Variants in KIF13A observed in about 807,000 individuals in gnomAD.
KIF13A encodes the protein kinesin family member 13A.
A neutral mutation model predicts 212.2 loss-of-function variants in KIF13A; 79 were observed. The observed-to-expected ratio is 0.37, with a 90% CI of 0.31 to 0.45. The LOEUF is 0.45. Among genes scored for constraint, KIF13A ranks in the 20% least tolerant of loss-of-function variants. The pLI is 1.00. For missense variants in KIF13A, 1,901 were observed against 2,209.0 expected, an observed-to-expected ratio of 0.86 and a Z score of 2.79; for synonymous variants, 789 against 808.6, an observed-to-expected ratio of 0.98 and a Z score of 0.41.
intron 2 of KIF13A, among the ~76,000 whole-genome samples, chr6:17,940,113 G>A (rs1229404294): frequency 6.7e-6 from 1 of 149,694 alleles, no homozygotes; most frequent in African/African-American, 2.5e-5. Context: ...TGGCAACATC[G>A]GGAATTTACT....
chr6:17,937,739 C>CT (rs1487188222), intron 2 of KIF13A, among the ~76,000 whole-genome samples: 348 of 128,354 alleles, frequency 2.7e-3, no homozygotes, highest in African/African-American at 5.0e-3. Context: ...AATTTCTTTC[C>CT]TTTTTTGTTT....
At chr6:17,774,594 C>T (rs1004549603) in intron 35 of KIF13A, among the ~76,000 whole-genome samples, 14 of 151,960 alleles carry the variant, frequency 9.2e-5, no homozygotes, top group Non-Finnish European at 1.8e-4. Context: ...GCCAACATGG[C>T]GAAACTCCAT....
At chr6:17,962,044 A>G (rs1459994220) in intron 2 of KIF13A, among the ~76,000 whole-genome samples, 2 of 152,178 alleles carry the variant, frequency 1.3e-5, no homozygotes, top group East Asian at 3.9e-4. Context: ...ATATGGTAAT[A>G]GGCTGGGTGT....
chr6:17,808,283 G>C (rs1353404918), intron 18 of KIF13A, among the ~76,000 whole-genome samples: 1 of 152,188 alleles, frequency 6.6e-6, no homozygotes, highest in African/African-American at 2.4e-5. Flanking sequence ...CTACTCGGGA[G>C]GTTGAGGTAG....
At chr6:17,854,467 T>TA in intron 6 of KIF13A, among the ~76,000 whole-genome samples, 1 of 152,008 alleles carries the variant, frequency 6.6e-6, no homozygotes, top group East Asian at 1.9e-4. Context: ...GGTGAGATTA[T>TA]AGGTCATTTT....
rs974566757 is a variant in KIF13A at position 17,816,067 on chromosome 6, G to C, written c.2000+953C>G. On this transcript the variant is annotated intron_variant, in intron 17 of 38. Transcript: ENST00000259711. This position sits in a 1 kb window ranked among gnomAD's most constrained non-coding sequence, Gnocchi z 4.3. ...GGATTACAGGCGCCTGCCACCATGC[G>C]CTGCTATTTTTTCTTTTTTTTCTGT... is the stretch of plus-strand genomic sequence containing the variant. Among the ~76,000 whole-genome samples the C allele has an allele frequency of 6.7e-6, 1 of 148,226 alleles. No homozygotes were observed. The highest frequency in any genetic ancestry group is 2.5e-5 in the African/African-American group (1 of 40,046).
intron 2 of KIF13A, among the ~76,000 whole-genome samples, chr6:17,974,159 G>A (rs2150616575): frequency 6.6e-6 from 1 of 152,264 alleles, no homozygotes; most frequent in Non-Finnish European, 1.5e-5. Flanking sequence ...TCAGCTCACT[G>A]CAACCTCCAC....
At chr6:17,821,968 A>G (rs1476258652) in intron 16 of KIF13A, 25 of 1,525,284 alleles carry the variant, frequency 1.6e-5, no homozygotes, top group Non-Finnish European at 2.2e-5. Flanking sequence ...CACTTGCATC[A>G]GAGACTGTGT....
chr6:17,802,410 G>A (rs1323175366), intron 20 of KIF13A, among the ~76,000 whole-genome samples: 2 of 151,618 alleles, frequency 1.3e-5, no homozygotes, highest in African/African-American at 4.9e-5. Context: ...TCCTGCCTCA[G>A]CCTCCGGAGT....
At position 17,785,641 on chromosome 6, in the gene KIF13A, T is replaced by G. The variant is rs368765608; in HGVS notation, c.3362A>C (p.Glu1121Ala). 6.2e-7 allele frequency: 1 copy of G among 1,602,586 alleles called. No individual in the cohort carries two copies. ...CCGCTCCACATCGTCCTCTGTTTTC[T>G]CTGCAGAAAAAAATGAGGAGATCAA... is the stretch of plus-strand genomic sequence containing the variant. ...EQIKKVSNKTEKTEDDVEREA... is the reference protein window; with the variant it reads ...EQIKKVSNKTAKTEDDVEREA... The change falls in exon 28 of 39, where the codon GAG becomes GCG. Residue 1121 changes from glutamate (E) to alanine (A), a missense_variant and splice_region_variant. Glu to Ala is a moderately radical substitution (Grantham distance 107). Transcript: ENST00000259711. The surrounding 1 kb of genome is among the most constrained non-coding windows in gnomAD (Gnocchi z 5.8).
chr6:17,987,016 C>G lies in KIF13A; in HGVS notation c.146+38G>C, dbSNP rs1182200274. 2.0e-6 allele frequency: 3 copies of G among 1,513,284 alleles called. No homozygotes were observed. Among genetic ancestry groups the G allele is most frequent in the Non-Finnish European group, 2.8e-6 (3 of 1,089,090 alleles). 93.7% of individuals were successfully genotyped at this position (1,513,284 alleles called of 1,614,324 possible). A position where few individuals can be genotyped will look rare whatever the true frequency, so the allele number is the denominator to read the frequency against. Reference sequence around the variant, plus strand: ...CTCAAACTTGCGGGACCCCGCGAGGCTGGATCCTCCCAGCCGCCCTCTCGG... The same window carrying G: ...CTCAAACTTGCGGGACCCCGCGAGGGTGGATCCTCCCAGCCGCCCTCTCGG... On this transcript the variant is annotated intron_variant, in intron 2 of 38. Coordinates refer to ENST00000259711, the MANE Select transcript of KIF13A (RefSeq NM_022113.6). The surrounding 1 kb of genome is among the most constrained non-coding windows in gnomAD (Gnocchi z 7.7).
intron 4 of KIF13A, among the ~76,000 whole-genome samples, chr6:17,865,374 C>T (rs1046557446): frequency 2.0e-5 from 3 of 151,740 alleles, no homozygotes; most frequent in Non-Finnish European, 4.4e-5. Flanking sequence ...CTTGGAATTC[C>T]TGGGCCTACT....
In KIF13A at chr6:17,947,816, G is replaced by C. The variant is rs1473271519; in HGVS notation, c.146+39238C>G. On this transcript the variant is annotated intron_variant, in intron 2 of 38. Coordinates refer to ENST00000259711, the MANE Select transcript of KIF13A (RefSeq NM_022113.6). The surrounding 1 kb of genome is among the most constrained non-coding windows in gnomAD (Gnocchi z 4.6). ...AGATTGCGCCATTGCGCTCCAGCCT[G>C]TGTGACAAGAGCAAAACTCTGCTCA... Among the ~76,000 whole-genome samples the C allele has an allele frequency of 6.6e-6, 1 of 152,034 alleles. No individual in the cohort carries two copies. The highest frequency in any genetic ancestry group is 1.5e-5 in the Non-Finnish European group (1 of 67,998).
At chr6:17,889,290 T>C (rs1294627747) in intron 3 of KIF13A, among the ~76,000 whole-genome samples, 26 of 152,236 alleles carry the variant, frequency 1.7e-4, no homozygotes, top group Admixed American at 1.7e-3. Context: ...TTTGTTATAA[T>C]GTAGTCAATT....
chr6:17,943,344 T>C (rs545575529), intron 2 of KIF13A, among the ~76,000 whole-genome samples: 1 of 152,198 alleles, frequency 6.6e-6, no homozygotes, highest in East Asian at 1.9e-4. Context: ...TTTTAGAAAG[T>C]GATTCTCCAA....
intron 4 of KIF13A, among the ~76,000 whole-genome samples, chr6:17,859,994 G>C (rs1436065589): frequency 6.6e-6 from 1 of 152,064 alleles, no homozygotes; most frequent in Non-Finnish European, 1.5e-5. Flanking sequence ...GCTTGAAATG[G>C]TTAAGTCACT....
At position 17,872,416 on chromosome 6, in the gene KIF13A, A is replaced by AG. The variant is rs1770101333; in HGVS notation, c.220+960dup. Among the ~76,000 whole-genome samples, 1 of 152,192 alleles carries AG rather than the reference A, an allele frequency of 6.6e-6. No individual in the cohort carries two copies. The highest frequency in any genetic ancestry group is 2.4e-5 in the African/African-American group (1 of 41,450). On this transcript the variant is annotated intron_variant, in intron 4 of 38. Coordinates refer to ENST00000259711, the MANE Select transcript of KIF13A (RefSeq NM_022113.6). This position sits in a 1 kb window ranked among gnomAD's most constrained non-coding sequence, Gnocchi z 4.7. ...ACTCAGTAGGAAGAAATAGTTCACG[A>AG]GCTCTATTGTACAACACGGTGACTA...
At chr6:17,977,114 CAAAA>C (rs398000718) in intron 2 of KIF13A, among the ~76,000 whole-genome samples, 8,335 of 106,734 alleles carry the variant, frequency 0.078, 855 homozygotes, top group African/African-American at 0.26. Context: ...AAAACAACAA[CAAAA>C]AAAAAAAAAA....
At position 17,936,131 on chromosome 6, in the gene KIF13A, T is replaced by G. The variant is rs74922607; in HGVS notation, c.147-37951A>C. Among the ~76,000 whole-genome samples the G allele has an allele frequency of 3.0e-3, 457 of 152,264 alleles. 3 individuals carry two copies. The highest frequency in any genetic ancestry group is 0.011 in the African/African-American group (442 of 41,560). On this transcript the variant is annotated intron_variant, in intron 2 of 38. Transcript: ENST00000259711. ...ATTCATCCAGGGAGAGGGCTGAGCC[T>G]CTCTTCATTGCCCCTAACTTTATTT... is the stretch of plus-strand genomic sequence containing the variant.
Sources: allele counts gnomAD v4.1 joint callset (sites outside exome capture counted in the v4.1 genomes callset), GRCh38; gene constraint gnomAD v4.1.1; non-coding constraint Gnocchi (gnomAD v3.1); transcripts MANE v1.5; gene names NCBI Gene and HGNC (gene_info 2026-07-23, HGNC 2026-07-21).